The following RPA1 variants were observed in gnomAD, a reference collection of about 807,000 sequenced individuals.
RPA1 encodes the protein replication protein A1.
RPA1 carries 49 observed loss-of-function variants against 83.0 expected under a neutral mutation model. The ratio of observed to expected loss-of-function variants is 0.59; its 90% confidence interval spans 0.47 to 0.75. The LOEUF is 0.75. RPA1 is among the 30% of genes least tolerant of loss of function. The pLI is 0.00. For missense variants in RPA1, 693 were observed against 776.1 expected, an observed-to-expected ratio of 0.89 and a Z score of 1.27; for synonymous variants, 279 against 281.8, an observed-to-expected ratio of 0.99 and a Z score of 0.10.
chr17:1,833,193 G>A (rs1911687568), intron 1 of RPA1, among the ~76,000 whole-genome samples: 1 of 152,228 alleles, frequency 6.6e-6, no homozygotes, highest in South Asian at 2.1e-4. Context: ...CCAGTATGCT[G>A]GGATCACAGG....
At chr17:1,846,311 C>CTTTTT (rs71150823) in intron 4 of RPA1, among the ~76,000 whole-genome samples, 73 of 75,788 alleles carry the variant, frequency 9.6e-4, no homozygotes, top group African/African-American at 1.3e-3. Flanking sequence ...GGAAGCTTTG[C>CTTTTT]TTTTTTTTTT....
intron 14 of RPA1, among the ~76,000 whole-genome samples, chr17:1,890,275 G>A (rs962233397): frequency 4.6e-5 from 7 of 151,546 alleles, no homozygotes; most frequent in Admixed American, 3.9e-4. Flanking sequence ...GAGGTAGGAG[G>A]ATCGCTTGAG....
At chr17:1,844,461 G>C (rs571697819) in intron 3 of RPA1, 117 bp from the exon 4 acceptor site, 11 of 694,174 alleles carry the variant, frequency 1.6e-5, no homozygotes, top group Non-Finnish European at 2.7e-5. Context: ...AGTCTGACTA[G>C]TTTTAATTTC....
At chr17:1,880,469 C>T (rs1426315303) in intron 11 of RPA1, 74 bp from the exon 12 acceptor site, 14 of 1,514,242 alleles carry the variant, frequency 9.2e-6, no homozygotes, top group Admixed American at 3.4e-5. Flanking sequence ...TGAATGTTTG[C>T]CTTGTTTTCT....
At chr17:1,848,828 T>C (rs1329905957) in intron 4 of RPA1, among the ~76,000 whole-genome samples, 1 of 152,018 alleles carries the variant, frequency 6.6e-6, no homozygotes, top group Non-Finnish European at 1.5e-5. Flanking sequence ...CCTCCCAAAG[T>C]CCTAGGATTA....
intron 3 of RPA1, 71 bp from the exon 4 acceptor site, chr17:1,844,507 A>G (rs1279145356): frequency 8.7e-7 from 1 of 1,145,876 alleles, no homozygotes. Context: ...TTGCTAGCAC[A>G]GGTATGAGTA....
chr17:1,876,925 G>A (rs1025486425), intron 7 of RPA1, among the ~76,000 whole-genome samples: 5 of 152,184 alleles, frequency 3.3e-5, no homozygotes, highest in African/African-American at 1.2e-4. Context: ...TTCATTAAGG[G>A]GATATGGTTG....
At chr17:1,852,923 G>A (rs1912553416) in intron 4 of RPA1, among the ~76,000 whole-genome samples, 178 bp from the exon 5 acceptor site, 1 of 152,198 alleles carries the variant, frequency 6.6e-6, no homozygotes, top group Non-Finnish European at 1.5e-5. Flanking sequence ...GTTGGGAACT[G>A]AAAACCCTGC....
chr17:1,856,722 G>A (rs1298851651), intron 5 of RPA1, among the ~76,000 whole-genome samples: 1 of 151,004 alleles, frequency 6.6e-6, no homozygotes, highest in African/African-American at 2.4e-5. Context: ...AGTAGAGACA[G>A]GATTTTGCCA....
At chr17:1,862,796 A>G (rs1913032285) in intron 5 of RPA1, among the ~76,000 whole-genome samples, 1 of 130,132 alleles carries the variant, frequency 7.7e-6, no homozygotes, top group Non-Finnish European at 1.5e-5. Context: ...ATCTCCGCTC[A>G]CTGCAACCTC....
intron 14 of RPA1, chr17:1,891,575 A>G (rs1035114102): frequency 4.5e-5 from 10 of 224,448 alleles, no homozygotes; most frequent in Non-Finnish European, 7.0e-5. Context: ...ACCCGCCACC[A>G]TGCCTGGCTA....
At chr17:1,895,132 G>T (rs769957338) in intron 16 of RPA1, 37 bp downstream of exon 16, 2 of 1,552,868 alleles carry the variant, frequency 1.3e-6, no homozygotes, top group Non-Finnish European at 1.8e-6. Flanking sequence ...TGGTGGTGGG[G>T]AGGTGCTGTT....
chr17:1,842,704 C>A, intron 1 of RPA1, 99 bp from the exon 2 acceptor site: 1 of 1,043,084 alleles, frequency 9.6e-7, no homozygotes, highest in Non-Finnish European at 1.5e-6. Context: ...GCTCTTTTAA[C>A]AATCTTATCT....
At chr17:1,852,323 G>A (rs773552383) in intron 4 of RPA1, among the ~76,000 whole-genome samples, 7 of 152,208 alleles carry the variant, frequency 4.6e-5, no homozygotes, top group Non-Finnish European at 4.4e-5. Context: ...AATCAAGGCT[G>A]TAGGAAAGAC....
chr17:1,869,662 G>A (rs901148956), intron 5 of RPA1, among the ~76,000 whole-genome samples: 2 of 152,316 alleles, frequency 1.3e-5, no homozygotes, highest in East Asian at 3.9e-4. Context: ...TTGATTTGCA[G>A]GTGACACAAA....
At chr17:1,831,807 GC>G (rs888441423) in intron 1 of RPA1, among the ~76,000 whole-genome samples, 1 of 150,848 alleles carries the variant, frequency 6.6e-6, no homozygotes, top group Non-Finnish European at 1.5e-5. Flanking sequence ...CACCGTGTTA[GC>G]CAGGATGGTC....
intron 14 of RPA1, chr17:1,891,520 A>AGTGATTCTCCCGCCTCCCGGGTTCAC: frequency 5.4e-6 from 1 of 185,852 alleles, no homozygotes; most frequent in Non-Finnish European, 1.1e-5. Context: ...CCCGGGTTCA[A>AGTGATTCTCCCGCCTCCCGGGTTCAC]GTGATTCTCC....
intron 5 of RPA1, among the ~76,000 whole-genome samples, chr17:1,854,844 A>T (rs1412385461): frequency 6.6e-6 from 1 of 152,250 alleles, no homozygotes; most frequent in East Asian, 1.9e-4. Context: ...CAAAGCAGGC[A>T]TTGGAGAAAA....
intron 5 of RPA1, among the ~76,000 whole-genome samples, chr17:1,862,473 G>A (rs1183522733): frequency 6.6e-5 from 10 of 151,652 alleles, no homozygotes; most frequent in Admixed American, 5.3e-4. Flanking sequence ...AGGCTGGAGT[G>A]CAGTTGCATG....
Sources: gnomAD v4.1 joint callset for allele counts (sites outside exome capture counted in the v4.1 genomes callset) on GRCh38, gnomAD v4.1.1 for gene constraint, MANE v1.5 for transcripts, NCBI Gene and HGNC (gene_info 2026-07-23, HGNC 2026-07-21) for gene names.